The following TRIO variants were observed in gnomAD, a reference collection of about 807,000 sequenced individuals.
The protein encoded by TRIO is triple functional domain protein.
Under a neutral mutation model 351.9 loss-of-function variants are expected in TRIO, and 58 were observed. That is an observed-to-expected ratio of 0.16 (90% CI 0.13 to 0.21). The LOEUF is 0.21. Among genes scored for constraint, TRIO ranks in the 10% least tolerant of loss-of-function variants. TRIO has a pLI of 1.00. For synonymous variants in TRIO, 1,758 were observed against 1,595.7 expected, an observed-to-expected ratio of 1.10 and a Z score of -2.42; for missense variants, 3,201 against 4,027.8, an observed-to-expected ratio of 0.79 and a Z score of 5.56.
intron 1 of TRIO, among the ~76,000 whole-genome samples, chr5:14,215,219 C>G (rs1792143026): frequency 6.6e-6 from 1 of 152,184 alleles, no homozygotes; most frequent in African/African-American, 2.4e-5. Flanking sequence ...ACAAACCTAA[C>G]TAAAAGCATG....
intron 1 of TRIO, among the ~76,000 whole-genome samples, chr5:14,228,281 A>C (rs987137773): frequency 3.9e-5 from 6 of 152,268 alleles, no homozygotes; most frequent in African/African-American, 1.4e-4. Flanking sequence ...GACAGAAATC[A>C]ATTCCTGGTA....
At chr5:14,199,726 A>G (rs371051753) in intron 1 of TRIO, among the ~76,000 whole-genome samples, 43 of 152,064 alleles carry the variant, frequency 2.8e-4, no homozygotes, top group African/African-American at 9.9e-4. Context: ...GGATGATGGC[A>G]TTTACTACCA....
chr5:14,469,654 C>T (rs1754534183), intron 37 of TRIO, among the ~76,000 whole-genome samples: 1 of 152,232 alleles, frequency 6.6e-6, no homozygotes, highest in African/African-American at 2.4e-5. Context: ...AAATGGGCCA[C>T]ATGAAGGCGA....
chr5:14,312,926 A>G (rs149189454), intron 8 of TRIO, among the ~76,000 whole-genome samples: 20 of 152,370 alleles, frequency 1.3e-4, no homozygotes, highest in African/African-American at 4.1e-4. Flanking sequence ...ATATTACTGT[A>G]ATTACAAAGA....
chr5:14,169,185 C>T (rs1788953560), intron 1 of TRIO, among the ~76,000 whole-genome samples: 2 of 141,748 alleles, frequency 1.4e-5, no homozygotes, highest in Admixed American at 1.4e-4. Context: ...TTTTAATGGG[C>T]AATAAAACTG....
At chr5:14,490,789 G>A (rs1198721888) in intron 48 of TRIO, 1 of 455,812 alleles carries the variant, frequency 2.2e-6, no homozygotes, top group Non-Finnish European at 4.4e-6. Context: ...ATTGTAGCCT[G>A]GTATATTACC....
At chr5:14,414,321 G>A (rs1411043754) in intron 33 of TRIO, among the ~76,000 whole-genome samples, 1 of 152,228 alleles carries the variant, frequency 6.6e-6, no homozygotes, top group Admixed American at 6.5e-5. Flanking sequence ...GTGAACCCTT[G>A]AAGCCTAATG....
intron 54 of TRIO, among the ~76,000 whole-genome samples, chr5:14,502,868 G>A (rs1338639417): frequency 1.3e-5 from 2 of 152,240 alleles, no homozygotes; most frequent in Non-Finnish European, 2.9e-5. Flanking sequence ...AGAGAGGGCC[G>A]AATGCCACCA....
At chr5:14,188,354 CAG>C (rs1252857909) in intron 1 of TRIO, among the ~76,000 whole-genome samples, 3 of 152,090 alleles carry the variant, frequency 2.0e-5, no homozygotes, top group Non-Finnish European at 4.4e-5. Context: ...AACTGAGGTA[CAG>C]AGAGATTGGT....
At chr5:14,268,881 G>A (rs752848013) in intron 1 of TRIO, among the ~76,000 whole-genome samples, 11 of 152,210 alleles carry the variant, frequency 7.2e-5, no homozygotes, top group Non-Finnish European at 1.3e-4. Flanking sequence ...GTCAGTCTTT[G>A]TAGACACATT....
intron 16 of TRIO, 115 bp downstream of exon 16, chr5:14,367,094 C>T (rs557214046): frequency 9.7e-6 from 14 of 1,445,098 alleles, no homozygotes; most frequent in Middle Eastern, 4.4e-4. Context: ...TTGGTAAAGA[C>T]GACTCAGAGG....
rs753462846 is a variant in TRIO at position 14,359,417 on chromosome 5, G to A, written c.2277G>A (p.Thr759=). The A allele has an allele frequency of 1.4e-5, 23 of 1,614,274 alleles. No individual in the cohort carries two copies. The highest frequency in any genetic ancestry group is 1.2e-4 in the Admixed American group (7 of 60,034). Residue 759 remains threonine (T), a synonymous_variant, in exon 13 of 57, where the codon ACG becomes ACA. Transcript: ENST00000344204. ...ACAGCTCCATCAACCACATTGAGAC[G>A]GTGCTGCAGCAGCTGGACGAGGCGC... ...PHNSSINHIE[T]VLQQLDEAQS...
intron 1 of TRIO, among the ~76,000 whole-genome samples, chr5:14,175,169 T>C (rs1243082119): frequency 6.6e-6 from 1 of 152,210 alleles, no homozygotes; most frequent in Non-Finnish European, 1.5e-5. Flanking sequence ...AATATACTAC[T>C]CCCCCAAAAT....
In TRIO at chr5:14,293,084, C is replaced by G. The variant is rs752600355; in HGVS notation, c.1126C>G (p.His376Asp). The change falls in exon 6 of 57, where the codon CAT becomes GAT. Residue 376 changes from histidine to aspartate, a missense_variant. By Grantham distance (81) the His-to-Asp change is moderately conservative (BLOSUM62 -1). Coordinates refer to ENST00000344204, the MANE Select transcript of TRIO (RefSeq NM_007118.4). ...CACAGAGATTGGGACCAGCCACCCT[C>G]ATGCCATGGAGCTTCAGACGCAGCA... ...SYTEIGTSHP[H>D]AMELQTQHNH... 37 of 1,614,086 alleles carry G rather than the reference C, an allele frequency of 2.3e-5. No homozygotes were observed. The highest frequency in any genetic ancestry group is 2.6e-5 in the Non-Finnish European group (31 of 1,180,024).
Position 14,387,569 on chromosome 5 carries a change from G to A in TRIO, c.3702G>A (p.Arg1234=). 1 of 1,614,222 alleles carries A rather than the reference G, an allele frequency of 6.2e-7. No individual in the cohort carries two copies. Among genetic ancestry groups the A allele is most frequent in the Non-Finnish European group, 8.5e-7 (1 of 1,180,034 alleles). The change falls in exon 22 of 57, where the codon CGG becomes CGA. Residue 1234 remains arginine, a synonymous_variant. Coordinates refer to ENST00000344204, the MANE Select transcript of TRIO (RefSeq NM_007118.4). ...VDKRYRDFSL[R]MEKYRTSLEK... ...AGAGGTACAGAGATTTCTCTCTGCGGATGGAGAAGTACAGGACCTCTTTGG... is the reference window on the plus strand; with the variant it reads ...AGAGGTACAGAGATTTCTCTCTGCGAATGGAGAAGTACAGGACCTCTTTGG...
intron 46 of TRIO, among the ~76,000 whole-genome samples, chr5:14,483,768 C>T (rs1379550992): frequency 3.3e-5 from 5 of 152,210 alleles, no homozygotes; most frequent in Non-Finnish European, 5.9e-5. Context: ...CCGCCTGCCC[C>T]TCCAGACTCC....
chr5:14,502,401 C>G (rs889138947), intron 53 of TRIO, among the ~76,000 whole-genome samples, 178 bp from the exon 54 acceptor site: 1 of 152,228 alleles, frequency 6.6e-6, no homozygotes, highest in Non-Finnish European at 1.5e-5. Context: ...TTCCTTCACA[C>G]TAAGCCCCAG....
chr5:14,504,442 G>A lies in TRIO; in HGVS notation c.8461G>A (p.Ala2821Thr). ...KKCDQKGTKR[A>T]VATKFVNKKL... The stretch of plus-strand genomic sequence containing the variant: ...ATGTGATCAGAAAGGAACCAAGCGA[G>A]CAGTGGCCACTAAGTTTGTGAACAA... The change falls in exon 55 of 57, where the codon GCA becomes ACA. Residue 2821 changes from alanine (A) to threonine (T), a missense_variant. Physicochemically the swap from Ala to Thr is moderately conservative, Grantham distance 58. Transcript: ENST00000344204. 1 of 1,614,208 alleles carries A rather than the reference G, an allele frequency of 6.2e-7. No individual in the cohort carries two copies. Among genetic ancestry groups the A allele is most frequent in the Non-Finnish European group, 8.5e-7 (1 of 1,180,030 alleles).
intron 34 of TRIO, among the ~76,000 whole-genome samples, chr5:14,438,976 T>C (rs1372980738): frequency 6.6e-6 from 1 of 152,206 alleles, no homozygotes; most frequent in Non-Finnish European, 1.5e-5. Flanking sequence ...CCCTCATCTG[T>C]GCGATGCTAC....
Sources: allele counts gnomAD v4.1 joint callset (sites outside exome capture counted in the v4.1 genomes callset), GRCh38; gene constraint gnomAD v4.1.1; transcripts MANE v1.5; gene names NCBI Gene and HGNC (gene_info 2026-07-23, HGNC 2026-07-21).